Variants in PRIM2 observed in about 807,000 individuals in gnomAD.
PRIM2 encodes DNA primase subunit 2, also known as DNA primase large subunit.
In PRIM2, 39 loss-of-function variants were observed where a neutral mutation model predicts 67.3. The observed-to-expected ratio is 0.58, with a 90% CI of 0.45 to 0.76. The LOEUF is 0.76. Among genes scored for constraint, PRIM2 ranks in the 30% least tolerant of loss-of-function variants. PRIM2 has a pLI of 0.00. For missense variants in PRIM2, 398 were observed against 598.7 expected (o/e 0.66, Z 3.50); for synonymous variants, 143 against 198.7 (o/e 0.72, Z 2.36).
the PRIM2 span, among the ~76,000 whole-genome samples, chr6:57,284,367 T>A: frequency 2.6e-5 from 4 of 152,212 alleles, no homozygotes; most frequent in African/African-American, 9.6e-5. Context: ...AAGCTATTAA[T>A]CAAACTGTTA....
At chr6:57,304,876 CAT>C in the PRIM2 span, among the ~76,000 whole-genome samples, 1 of 152,122 alleles carries the variant, frequency 6.6e-6, no homozygotes, top group Non-Finnish European at 1.5e-5. Context: ...CCTATAGAAA[CAT>C]AAAGTTTTTA....
At chr6:57,635,696 A>G (rs1383364280) in intron 13 of PRIM2, among the ~76,000 whole-genome samples, 5 of 152,238 alleles carry the variant, frequency 3.3e-5, no homozygotes, top group Non-Finnish European at 7.3e-5. Context: ...TATATGTGAT[A>G]CAATTAAGCC....
intron 7 of PRIM2, among the ~76,000 whole-genome samples, chr6:57,418,454 T>G (rs1163682849): frequency 7.5e-6 from 1 of 133,848 alleles, no homozygotes; most frequent in Non-Finnish European, 1.6e-5. Context: ...TGGAGTGCAG[T>G]GGCATAATCT....
chr6:57,457,623 A>G (rs1255669336), intron 7 of PRIM2, among the ~76,000 whole-genome samples: 1 of 152,040 alleles, frequency 6.6e-6, no homozygotes, highest in African/African-American at 2.4e-5. Context: ...GCCATTTGCT[A>G]TGACCGTTGT....
At chr6:57,534,973 A>G (rs1252012349) in intron 9 of PRIM2, among the ~76,000 whole-genome samples, 2 of 152,010 alleles carry the variant, frequency 1.3e-5, no homozygotes, top group East Asian at 3.9e-4. Flanking sequence ...TTGGCATCAG[A>G]TGTTATCTTT....
At chr6:57,450,031 C>G (rs553071299) in intron 7 of PRIM2, among the ~76,000 whole-genome samples, 1 of 152,046 alleles carries the variant, frequency 6.6e-6, no homozygotes, top group South Asian at 2.1e-4. Context: ...ACTTGTTATT[C>G]TAGAGAGCCT....
chr6:57,495,971 C>T (rs1269322337), intron 7 of PRIM2, among the ~76,000 whole-genome samples: 2 of 152,086 alleles, frequency 1.3e-5, no homozygotes, highest in African/African-American at 4.8e-5. Flanking sequence ...GTCTCAAACT[C>T]CTGAGCTGAA....
chr6:57,305,316 A>C, the PRIM2 span, among the ~76,000 whole-genome samples: 1 of 152,242 alleles, frequency 6.6e-6, no homozygotes, highest in African/African-American at 2.4e-5. Flanking sequence ...ATGCGAGCCT[A>C]TCTGGAATTA....
the PRIM2 span, among the ~76,000 whole-genome samples, chr6:57,263,121 C>G: frequency 6.6e-6 from 1 of 152,196 alleles, no homozygotes; most frequent in Non-Finnish European, 1.5e-5. Context: ...TAGGAAACCA[C>G]ATTTCCTACC....
intron 7 of PRIM2, among the ~76,000 whole-genome samples, chr6:57,506,362 A>T (rs1774251591): frequency 6.6e-6 from 1 of 152,118 alleles, no homozygotes; most frequent in African/African-American, 2.4e-5. Flanking sequence ...ATAATATAAA[A>T]ATTAGATTTG....
At chr6:57,452,591 A>C (rs1028086975) in intron 7 of PRIM2, among the ~76,000 whole-genome samples, 1 of 152,150 alleles carries the variant, frequency 6.6e-6, no homozygotes, top group Non-Finnish European at 1.5e-5. Context: ...TCTTTTGAGA[A>C]GTGTCTGTTT....
At chr6:57,314,227 A>C (rs1767438039), upstream of PRIM2, among the ~76,000 whole-genome samples, 6 of 152,184 alleles carry the variant, frequency 3.9e-5, no homozygotes, top group Admixed American at 3.9e-4. Context: ...TCAACAATTC[A>C]GTATGGGCTG....
At chr6:57,509,776 A>G (rs1384412342) in intron 8 of PRIM2, among the ~76,000 whole-genome samples, 6 of 149,832 alleles carry the variant, frequency 4.0e-5, no homozygotes, top group Non-Finnish European at 7.4e-5. Flanking sequence ...GATATATAAT[A>G]TATATAATTT....
chr6:57,372,055 C>T (rs1018753622), intron 5 of PRIM2, among the ~76,000 whole-genome samples: 1 of 152,212 alleles, frequency 6.6e-6, no homozygotes, highest in African/African-American at 2.4e-5. Flanking sequence ...TTTACATACT[C>T]TACAATGAGT....
chr6:57,355,473 G>T (rs1769002450), intron 5 of PRIM2, among the ~76,000 whole-genome samples: 1 of 152,128 alleles, frequency 6.6e-6, no homozygotes, highest in African/African-American at 2.4e-5. Flanking sequence ...GAAGCAGGGG[G>T]AACATCTCAG....
chr6:57,370,534 A>G (rs1354906992), intron 5 of PRIM2, among the ~76,000 whole-genome samples: 1 of 152,114 alleles, frequency 6.6e-6, no homozygotes, highest in Non-Finnish European at 1.5e-5. Flanking sequence ...AAATGGATGT[A>G]TTTTTTAATT....
At chr6:57,273,782 T>C in the PRIM2 span, among the ~76,000 whole-genome samples, 1 of 152,206 alleles carries the variant, frequency 6.6e-6, no homozygotes, top group Non-Finnish European at 1.5e-5. Context: ...TCTTTGATCA[T>C]GGTGACATAC....
intron 5 of PRIM2, among the ~76,000 whole-genome samples, chr6:57,334,790 C>G (rs1307865218): frequency 1.3e-5 from 2 of 152,134 alleles, no homozygotes; most frequent in Non-Finnish European, 2.9e-5. Context: ...GATACAGAAG[C>G]AGCATATGCC....
At chr6:57,245,538 C>A in the PRIM2 span, among the ~76,000 whole-genome samples, 1 of 152,290 alleles carries the variant, frequency 6.6e-6, no homozygotes, top group East Asian at 1.9e-4. Context: ...TCCACTTAGG[C>A]CTTGCTGTCT....
Sources: allele counts gnomAD v4.1 joint callset (sites outside exome capture counted in the v4.1 genomes callset), GRCh38; gene constraint gnomAD v4.1.1; transcripts MANE v1.5; gene names NCBI Gene and HGNC (gene_info 2026-07-23, HGNC 2026-07-21).